CRLF2: variants seen among roughly 807,000 people sequenced by gnomAD.
CRLF2 encodes cytokine receptor like factor 2, also known as cytokine receptor-like factor 2.
A neutral mutation model predicts 38.7 loss-of-function variants in CRLF2; 41 were observed. That is an observed-to-expected ratio of 1.06 (90% confidence interval 0.83 to 1.37). The LOEUF (loss-of-function observed/expected upper bound fraction) is 1.37, where lower values mean the gene tolerates loss of function less well. CRLF2 is among the 40% of genes most tolerant of loss of function. The probability of loss-of-function intolerance (pLI) is 0.00; values close to 1 mark genes in which losing one functional copy is unlikely to be tolerated. For synonymous variants in CRLF2, 140 were observed against 128.8 expected (o/e 1.09, Z -0.59); for missense variants, 377 against 322.2 (o/e 1.17, Z -1.30).
At chrX:1,195,977 T>C (rs2086467790) in intron 6 of CRLF2, among the ~76,000 whole-genome samples, 1 of 138,808 alleles carries the variant, frequency 7.2e-6, no homozygotes, top group African/African-American at 2.6e-5. Flanking sequence ...ATATATATTA[T>C]ATATATTTTT....
intron 2 of CRLF2, 36 bp downstream of exon 2, chrX:1,208,770 C>T (rs774091097): frequency 4.8e-6 from 6 of 1,261,032 alleles, no homozygotes; most frequent in African/African-American, 4.4e-5. Flanking sequence ...TTTTGAGCCC[C>T]CTGGGCGTGG....
chrX:1,200,817 A>G (rs1478791677), intron 4 of CRLF2, among the ~76,000 whole-genome samples: 2 of 149,342 alleles, frequency 1.3e-5, no homozygotes, highest in African/African-American at 4.9e-5. Context: ...ATATGTATAT[A>G]TAAGCTGTGT....
intron 3 of CRLF2, among the ~76,000 whole-genome samples, chrX:1,205,474 A>T (rs1370051349): frequency 2.6e-5 from 4 of 150,990 alleles, no homozygotes; most frequent in Non-Finnish European, 5.9e-5. Flanking sequence ...AAGCATGCTG[A>T]GCTTGCTTTT....
chrX:1,212,104 G>A (rs1382710827), intron 1 of CRLF2, among the ~76,000 whole-genome samples: 1 of 151,854 alleles, frequency 6.6e-6, no homozygotes, highest in Non-Finnish European at 1.5e-5. Flanking sequence ...TTTGATAGAT[G>A]GGTGGATGGA....
In CRLF2 at chrX:1,205,168, G is replaced by T. The variant is rs868561535; in HGVS notation, c.349+1265C>A. On this transcript the variant is annotated intron_variant, in intron 3 of 7. Transcript: ENST00000400841. ...AAATCACAGTCTCCCGGGGTCATCT[G>T]GTCTCCCCACTGGGGGCAGATTCAA... Among the ~76,000 whole-genome samples the T allele has an allele frequency of 5.3e-5, 8 of 152,156 alleles. No individual in the cohort carries two copies. In the South Asian group the frequency reaches 6.2e-4, roughly 12 times the overall value.
intron 1 of CRLF2, among the ~76,000 whole-genome samples, chrX:1,211,825 A>G (rs1222251194): frequency 4.8e-5 from 4 of 84,002 alleles, no homozygotes; most frequent in South Asian, 8.4e-4. Context: ...GGATGGATGG[A>G]TAAGTGGATA....
At chrX:1,193,121 C>T (rs1487261759) in intron 7 of CRLF2, 97 bp downstream of exon 7, 2 of 395,974 alleles carry the variant, frequency 5.1e-6, no homozygotes, top group African/African-American at 4.1e-5. Context: ...CTGTTAATGT[C>T]ATTCTCTAAA....
chrX:1,198,754 C>T lies in CRLF2; in HGVS notation c.484-30G>A, dbSNP rs754135781. On this transcript the variant is annotated intron_variant, in intron 4 of 7. Coordinates refer to ENST00000400841, the MANE Select transcript of CRLF2 (RefSeq NM_022148.4). ...AGAAACATACACACACACACACACA[C>T]ACACACACACACACACACACACACA... 324 of 1,341,288 alleles carry T rather than the reference C, an allele frequency of 2.4e-4. 7 individuals carry two copies. Among genetic ancestry groups the T allele is most frequent in the Middle Eastern group, 9.1e-4 (5 of 5,510 alleles). The allele number at this position is 1,341,288 out of a possible 1,614,324, so 83.1% of individuals were successfully genotyped here. A position where few individuals can be genotyped will look rare whatever the true frequency, so the allele number is the denominator to read the frequency against.
chrX:1,195,899 A>T (rs2086465677), intron 6 of CRLF2, among the ~76,000 whole-genome samples: 1 of 140,246 alleles, frequency 7.1e-6, no homozygotes, highest in South Asian at 2.1e-4. Flanking sequence ...ATTAAATTAA[A>T]TATGTATTTA....
In CRLF2 at chrX:1,202,437, C is replaced by T. The variant is rs778785726; in HGVS notation, c.448G>A (p.Val150Ile). Residue 150 changes from valine (V) to isoleucine (I), a missense_variant, in exon 4 of 8, where the codon GTT (valine) becomes ATT (isoleucine). By Grantham distance (29) the Val-to-Ile change is conservative. Transcript: ENST00000400841. Reference sequence around the variant, plus strand: ...GTGTCGAAGGGGCTCCGGTACTGAACCTCATAGAGGAGATCCCCGTAGGAC... The same window carrying T: ...GTGTCGAAGGGGCTCCGGTACTGAATCTCATAGAGGAGATCCCCGTAGGAC... Reference protein sequence around the residue: ...DLSYGDLLYEVQYRSPFDTEW... With the variant: ...DLSYGDLLYEIQYRSPFDTEW... The T allele has an allele frequency of 6.2e-6, 10 of 1,613,688 alleles. No individual in the cohort carries two copies. Among genetic ancestry groups the T allele is most frequent in the Non-Finnish European group, 7.6e-6 (9 of 1,179,648 alleles).
intron 4 of CRLF2, among the ~76,000 whole-genome samples, chrX:1,200,664 T>C (rs1191276540): frequency 1.0e-5 from 1 of 96,830 alleles, no homozygotes; most frequent in Non-Finnish European, 2.2e-5. Flanking sequence ...TGGGTATATA[T>C]ATGTGTATAT....
intron 1 of CRLF2, 26 bp downstream of exon 1, chrX:1,212,530 C>T (rs770850749): frequency 6.3e-7 from 1 of 1,577,618 alleles, no homozygotes; most frequent in African/African-American, 1.4e-5. Flanking sequence ...CAAAATACAA[C>T]AAGAAGAGGG....
intron 3 of CRLF2, among the ~76,000 whole-genome samples, chrX:1,206,135 G>T (rs150568818): frequency 2.6e-5 from 4 of 151,900 alleles, no homozygotes; most frequent in Admixed American, 6.6e-5. Context: ...TGGATCCGAC[G>T]ATTTACGTGA....
chrX:1,192,873 G>A (rs2086418296), intron 7 of CRLF2, among the ~76,000 whole-genome samples: 1 of 147,928 alleles, frequency 6.8e-6, no homozygotes, highest in Non-Finnish European at 1.5e-5. Context: ...GAGTGCAGTG[G>A]TACAATCTCA....
intron 1 of CRLF2, 66 bp downstream of exon 1, chrX:1,212,490 G>T: frequency 3.3e-6 from 3 of 921,026 alleles, no homozygotes; most frequent in African/African-American, 1.7e-5. Context: ...ACAAAATAAA[G>T]AGTGCCTGGT....
intron 3 of CRLF2, among the ~76,000 whole-genome samples, chrX:1,204,130 G>A (rs1443103032): frequency 2.0e-5 from 2 of 99,012 alleles, no homozygotes; most frequent in Non-Finnish European, 4.8e-5. Context: ...ATGAGGATGA[G>A]AGAGTATTTC....
rs755785714 is a variant in CRLF2 at position 1,202,417 on chromosome X, G to C, written c.468C>G (p.Phe156Leu). 3 of 1,613,614 alleles carry C rather than the reference G, an allele frequency of 1.9e-6. No individual in the cohort carries two copies. The highest frequency in any genetic ancestry group is 2.5e-6 in the Non-Finnish European group (3 of 1,179,610). The change falls in exon 4 of 8, where the codon TTC becomes TTG. Residue 156 changes from phenylalanine to leucine, a missense_variant. Phe to Leu is a conservative substitution (Grantham distance 22, BLOSUM62 0). Transcript: ENST00000400841. ...LLYEVQYRSP[F>L]DTEWQSKQEN... Reference sequence around the variant, plus strand: ...CCCGGCTCACCTGCCACTCGGTGTCGAAGGGGCTCCGGTACTGAACCTCAT... The same window carrying C: ...CCCGGCTCACCTGCCACTCGGTGTCCAAGGGGCTCCGGTACTGAACCTCAT...
intron 2 of CRLF2, 54 bp from the exon 3 acceptor site, chrX:1,206,653 T>G: frequency 1.3e-6 from 2 of 1,565,564 alleles, no homozygotes; most frequent in South Asian, 2.2e-5. Flanking sequence ...CATGTCTTAT[T>G]TATTTAGAGA....
At position 1,202,400 on chromosome X, in the gene CRLF2, A is replaced by G; in HGVS notation, c.483+2T>C. 6.2e-7 allele frequency: 1 copy of G among 1,613,420 alleles called. No homozygotes were observed. ...GCCCTGAGTCGCGGCCGCCCGGCTC[A>G]CCTGCCACTCGGTGTCGAAGGGGCT... On this transcript the variant is annotated splice_donor_variant, in intron 4 of 7. Transcript: ENST00000400841. LOFTEE classifies it high-confidence loss of function.
Sources: allele counts gnomAD v4.1 joint callset (sites outside exome capture counted in the v4.1 genomes callset), GRCh38; gene constraint gnomAD v4.1.1; transcripts MANE v1.5; gene names NCBI Gene and HGNC (gene_info 2026-07-23, HGNC 2026-07-21).